Variants in LHFPL6 observed in about 807,000 individuals in gnomAD.
LHFPL6 encodes LHFPL tetraspan subfamily member 6 protein.
LHFPL6 carries 9 observed loss-of-function variants against 20.6 expected under a neutral mutation model. The observed-to-expected ratio is 0.44, with a 90% CI of 0.26 to 0.76. The LOEUF is 0.76. Ranked by LOEUF, LHFPL6 falls within the 30% of genes least tolerant of loss-of-function variation. The pLI, the probability that LHFPL6 is intolerant of heterozygous loss-of-function variation, is 0.20. For missense variants in LHFPL6, 218 were observed against 253.5 expected (o/e 0.86, Z 0.95); for synonymous variants, 105 against 98.7 (o/e 1.06, Z -0.38).
intron 2 of LHFPL6, among the ~76,000 whole-genome samples, chr13:39,588,465 C>G (rs1872516797): frequency 6.6e-6 from 1 of 152,196 alleles, no homozygotes; most frequent in African/African-American, 2.4e-5. Context: ...CCTGCCATTC[C>G]CAAATAAGTT....
intron 2 of LHFPL6, among the ~76,000 whole-genome samples, chr13:39,545,224 T>C (rs11147766): frequency 0.79 from 111,869 of 142,210 alleles, 44,095 homozygotes; most frequent in South Asian, 0.88. Flanking sequence ...CCAGCCTGGG[T>C]GACAGAGCGA....
chr13:39,599,436 T>C (rs990659910), intron 2 of LHFPL6, among the ~76,000 whole-genome samples: 2 of 152,256 alleles, frequency 1.3e-5, no homozygotes, highest in Non-Finnish European at 2.9e-5. Context: ...GGTTTCCTAA[T>C]AGTTTTAAGT....
At chr13:39,469,621 G>A (rs1188496150) in intron 2 of LHFPL6, among the ~76,000 whole-genome samples, 27 of 152,136 alleles carry the variant, frequency 1.8e-4, no homozygotes, top group Admixed American at 1.6e-3. Flanking sequence ...GTCATCAAGA[G>A]CATACAGTAA....
chr13:39,526,946 A>G (rs956353112), intron 2 of LHFPL6, among the ~76,000 whole-genome samples: 2 of 152,210 alleles, frequency 1.3e-5, no homozygotes, highest in Non-Finnish European at 2.9e-5. Flanking sequence ...AGAAAAATCA[A>G]CCTTCGAATT....
chr13:39,435,269 T>C lies in LHFPL6; in HGVS notation c.386-56743A>G, dbSNP rs77132438. Among the ~76,000 whole-genome samples, 87 of 152,208 alleles carry C rather than the reference T, an allele frequency of 5.7e-4. 1 individual carries two copies. The East Asian group carries it at 0.016, about 28-fold the overall frequency. ...CTTGAAACAACAGATGACAAAGTAT[T>C]GTTGTCCAGACTTGAGCATTGGGCT... On this transcript the variant is annotated intron_variant, in intron 2 of 3. Transcript: ENST00000379589.
At chr13:39,450,615 C>T (rs1566114270) in intron 2 of LHFPL6, among the ~76,000 whole-genome samples, 1 of 152,158 alleles carries the variant, frequency 6.6e-6, no homozygotes, top group Non-Finnish European at 1.5e-5. Context: ...TTTGCCTACA[C>T]TCAGTAGGTG....
chr13:39,449,964 T>C (rs548699616), intron 2 of LHFPL6, among the ~76,000 whole-genome samples: 1 of 152,248 alleles, frequency 6.6e-6, no homozygotes, highest in African/African-American at 2.4e-5. Context: ...CATCTGACAA[T>C]CTCATATATT....
At chr13:39,555,188 T>C (rs967635544) in intron 2 of LHFPL6, among the ~76,000 whole-genome samples, 2 of 152,212 alleles carry the variant, frequency 1.3e-5, no homozygotes, top group Admixed American at 6.5e-5. Flanking sequence ...TTAAATTCAA[T>C]TAGAATCAGG....
intron 2 of LHFPL6, among the ~76,000 whole-genome samples, chr13:39,541,771 C>T (rs147186274): frequency 2.9e-4 from 44 of 152,170 alleles, no homozygotes; most frequent in East Asian, 2.1e-3. Context: ...TTGCCTGACA[C>T]GTAGCAGAAT....
At chr13:39,432,175 A>G (rs1393175964) in intron 2 of LHFPL6, among the ~76,000 whole-genome samples, 1 of 152,180 alleles carries the variant, frequency 6.6e-6, no homozygotes, top group Non-Finnish European at 1.5e-5. Flanking sequence ...CCCAGCCTCC[A>G]ACTGTGAGGA....
chr13:39,362,504 G>C (rs1334055818), intron 3 of LHFPL6, among the ~76,000 whole-genome samples: 2 of 152,182 alleles, frequency 1.3e-5, no homozygotes, highest in Admixed American at 6.5e-5. Context: ...ATATGTATAA[G>C]TATACACAAA....
At chr13:39,515,785 A>G (rs555421036) in intron 2 of LHFPL6, among the ~76,000 whole-genome samples, 1 of 152,306 alleles carries the variant, frequency 6.6e-6, no homozygotes, top group South Asian at 2.1e-4. Context: ...CACAAATTAC[A>G]GGAATTGCTT....
chr13:39,404,905 A>G lies in LHFPL6; in HGVS notation c.386-26379T>C, dbSNP rs568167043. Among the ~76,000 whole-genome samples the G allele has an allele frequency of 3.3e-3, 500 of 152,322 alleles. 2 individuals are homozygous for G. Among genetic ancestry groups the G allele is most frequent in the African/African-American group, 0.012 (479 of 41,570 alleles). ...GCAAAATGAATGGTCAATAAATTCA[A>G]TGTTTACCTTTTCACAGATACTTAA... On this transcript the variant is annotated intron_variant, in intron 2 of 3. Coordinates refer to ENST00000379589, the MANE Select transcript of LHFPL6 (RefSeq NM_005780.3).
chr13:39,475,869 T>C (rs1453951715), intron 2 of LHFPL6, among the ~76,000 whole-genome samples: 1 of 152,112 alleles, frequency 6.6e-6, no homozygotes, highest in Non-Finnish European at 1.5e-5. Flanking sequence ...GGCAATGATG[T>C]GTAGCACTGT....
intron 3 of LHFPL6, among the ~76,000 whole-genome samples, chr13:39,352,633 T>G (rs1012440116): frequency 1.2e-4 from 18 of 152,014 alleles, no homozygotes; most frequent in African/African-American, 4.4e-4. Flanking sequence ...AGTCAGGATA[T>G]GATAAGCTGA....
intron 2 of LHFPL6, among the ~76,000 whole-genome samples, chr13:39,494,834 T>C: frequency 6.6e-6 from 1 of 152,230 alleles, no homozygotes; most frequent in East Asian, 1.9e-4. Context: ...TAAATGTTTC[T>C]CTGACTGAGA....
rs200177433 is a variant in LHFPL6, at chr13:39,420,963, T to TC, written c.386-42438dup. 2.0e-3 allele frequency among the ~76,000 whole-genome samples: 299 copies of TC among 151,566 alleles called. 1 individual carries two copies. Among genetic ancestry groups the TC allele is most frequent in the African/African-American group, 3.2e-3 (133 of 41,310 alleles). On this transcript the variant is annotated intron_variant, in intron 2 of 3. Coordinates refer to ENST00000379589, the MANE Select transcript of LHFPL6 (RefSeq NM_005780.3). ...TCTTTAGGTTCTGAATCTGTGTTTT[T>TC]CCCCCCCCTCAAAACTAGGAAATAC...
At chr13:39,569,464 T>C (rs1871844123) in intron 2 of LHFPL6, among the ~76,000 whole-genome samples, 1 of 152,186 alleles carries the variant, frequency 6.6e-6, no homozygotes, top group East Asian at 1.9e-4. Flanking sequence ...AGGTCAATAA[T>C]TTTATGTTGA....
intron 2 of LHFPL6, among the ~76,000 whole-genome samples, chr13:39,415,361 T>C (rs974540184): frequency 6.6e-6 from 1 of 152,204 alleles, no homozygotes; most frequent in Admixed American, 6.5e-5. Context: ...TTCAGCAAAG[T>C]TGAGGAAAAA....
Sources: allele counts gnomAD v4.1 joint callset (sites outside exome capture counted in the v4.1 genomes callset), GRCh38; gene constraint gnomAD v4.1.1; transcripts MANE v1.5; gene names NCBI Gene and HGNC (gene_info 2026-07-23, HGNC 2026-07-21).